NRXN1: variants seen among roughly 807,000 people sequenced by gnomAD.
NRXN1 encodes the protein neurexin 1, also known as neurexin-1.
A neutral mutation model predicts 150.9 loss-of-function variants in NRXN1; 39 were observed. The observed-to-expected ratio is 0.26, with a 90% CI of 0.20 to 0.34. The LOEUF (loss-of-function observed/expected upper bound fraction) is 0.34, where lower values mean the gene tolerates loss of function less well. Ranked by LOEUF, NRXN1 falls within the 10% of genes least tolerant of loss-of-function variation. NRXN1 has a pLI of 1.00. For synonymous variants in NRXN1, 924 were observed against 757.0 expected (o/e 1.22, Z -3.62); for missense variants, 1,815 against 1,949.9 (o/e 0.93, Z 1.30).
At position 50,346,727 on chromosome 2, in the gene NRXN1, T is replaced by C. The variant is rs201245013; in HGVS notation, c.3365-109757A>G. 1.2e-6 allele frequency: 2 copies of C among 1,613,826 alleles called. No homozygotes were observed. The highest frequency in any genetic ancestry group is 1.7e-5 in the Admixed American group (1 of 60,022). On this transcript the variant is annotated intron_variant, in intron 17 of 22. Transcript: ENST00000401669. The surrounding 1 kb of genome is among the most constrained non-coding windows in gnomAD (Gnocchi z 5.0). ...CGCAAGGATGCCGGTGACCTGTAGA[T>C]TGCAATAGGCACTGAATGATGCTTG...
intron 7 of NRXN1, 110 bp from the exon 8 acceptor site, chr2:50,620,293 T>C: frequency 1.6e-6 from 2 of 1,280,622 alleles, no homozygotes; most frequent in Non-Finnish European, 2.1e-6. Context: ...TTGTTTTGTT[T>C]TGCTTTTTTC....
intron 5 of NRXN1, among the ~76,000 whole-genome samples, chr2:50,831,133 T>C (rs538060799): frequency 1.2e-4 from 19 of 152,288 alleles, no homozygotes; most frequent in Non-Finnish European, 2.4e-4. Context: ...AAATGTACAA[T>C]TAAGTTATTA....
intron 5 of NRXN1, among the ~76,000 whole-genome samples, chr2:50,836,681 T>C (rs1040637377): frequency 6.6e-6 from 1 of 152,070 alleles, no homozygotes; most frequent in Non-Finnish European, 1.5e-5. Flanking sequence ...TAGTATTTCA[T>C]TATGCATATA....
chr2:50,768,937 T>TAC (rs1702678234), intron 5 of NRXN1, among the ~76,000 whole-genome samples: 1 of 149,384 alleles, frequency 6.7e-6, no homozygotes, highest in Admixed American at 6.7e-5. Flanking sequence ...CACACACACA[T>TAC]ACACACACAC....
At chr2:50,457,551 G>A (rs1464024446) in intron 17 of NRXN1, among the ~76,000 whole-genome samples, 1 of 152,044 alleles carries the variant, frequency 6.6e-6, no homozygotes, top group Non-Finnish European at 1.5e-5. Context: ...AATATTTGCA[G>A]ACTATTAATC....
At chr2:50,561,076 A>T (rs1194546916) in intron 8 of NRXN1, among the ~76,000 whole-genome samples, 1 of 152,182 alleles carries the variant, frequency 6.6e-6, no homozygotes, top group East Asian at 1.9e-4. Context: ...AATATATCCC[A>T]TTAATCAGGG....
At chr2:50,372,101 A>G (rs1017652988) in intron 17 of NRXN1, among the ~76,000 whole-genome samples, 1 of 152,046 alleles carries the variant, frequency 6.6e-6, no homozygotes, top group South Asian at 2.1e-4. Flanking sequence ...TTCCTGTTAC[A>G]TTTCTTCTTC....
intron 21 of NRXN1, among the ~76,000 whole-genome samples, chr2:50,009,640 G>A (rs764385538): frequency 6.6e-6 from 1 of 151,902 alleles, no homozygotes; most frequent in East Asian, 1.9e-4. Flanking sequence ...CATTACTTTT[G>A]GTAATTAAAA....
chr2:50,092,524 G>C (rs1699726992), intron 18 of NRXN1, among the ~76,000 whole-genome samples: 1 of 152,142 alleles, frequency 6.6e-6, no homozygotes, highest in Non-Finnish European at 1.5e-5. Flanking sequence ...GGAGGAAGAA[G>C]GGTTTAAAGT....
Position 50,212,873 on chromosome 2 carries a change from G to A in NRXN1, c.3546+23916C>T, listed in dbSNP as rs567121788. Among the ~76,000 whole-genome samples, 47 of 152,044 alleles carry A rather than the reference G, an allele frequency of 3.1e-4. No individual in the cohort carries two copies. The South Asian group carries it at 9.3e-3, about 30-fold the overall frequency. On this transcript the variant is annotated intron_variant, in intron 18 of 22. Transcript: ENST00000401669. ...TGCAAGGGTCAGGTAGGTACCAGTT[G>A]CAAGTCATTATGATTGCAAAGTGGT...
At chr2:50,812,216 T>C (rs1173613433) in intron 5 of NRXN1, among the ~76,000 whole-genome samples, 2 of 152,216 alleles carry the variant, frequency 1.3e-5, no homozygotes, top group Non-Finnish European at 2.9e-5. Context: ...TTCTGTGATT[T>C]GTGAATAGGA....
At chr2:50,329,728 C>T (rs1207921050) in intron 17 of NRXN1, among the ~76,000 whole-genome samples, 4 of 139,442 alleles carry the variant, frequency 2.9e-5, no homozygotes, top group East Asian at 4.3e-4. Flanking sequence ...GGCTACAGTG[C>T]GGTGGAGCAA....
At chr2:50,545,816 T>C (rs1022161863) in intron 9 of NRXN1, among the ~76,000 whole-genome samples, 1 of 152,204 alleles carries the variant, frequency 6.6e-6, no homozygotes, top group Non-Finnish European at 1.5e-5. Flanking sequence ...AATCTGTGGA[T>C]ACTTGAGTTC....
intron 5 of NRXN1, among the ~76,000 whole-genome samples, chr2:50,785,963 T>A (rs993687944): frequency 1.3e-5 from 2 of 152,020 alleles, no homozygotes; most frequent in Non-Finnish European, 2.9e-5. Context: ...CAATGTGGTA[T>A]AACAGCCACG....
intron 17 of NRXN1, among the ~76,000 whole-genome samples, chr2:50,255,785 G>C (rs990127686): frequency 6.6e-6 from 1 of 152,186 alleles, no homozygotes; most frequent in African/African-American, 2.4e-5. Flanking sequence ...TTTAAATTAA[G>C]TTTTATGACT....
At chr2:50,459,361 T>C (rs184107477) in intron 17 of NRXN1, among the ~76,000 whole-genome samples, 266 of 152,260 alleles carry the variant, frequency 1.7e-3, no homozygotes, top group African/African-American at 5.9e-3. Flanking sequence ...GTTTGTTACA[T>C]AGGTAAACTT....
intron 12 of NRXN1, among the ~76,000 whole-genome samples, chr2:50,523,851 G>T (rs2092866948): frequency 6.6e-6 from 1 of 152,132 alleles, no homozygotes; most frequent in Non-Finnish European, 1.5e-5. Flanking sequence ...AGCCCTTGAT[G>T]CTTTGTTCAC....
chr2:51,010,929 T>C (rs1667754653), intron 2 of NRXN1, among the ~76,000 whole-genome samples: 1 of 151,866 alleles, frequency 6.6e-6, no homozygotes, highest in Admixed American at 6.6e-5. Flanking sequence ...TACAGGTGTA[T>C]GCCACAACAT....
intron 12 of NRXN1, among the ~76,000 whole-genome samples, chr2:50,518,261 A>C (rs1454239174): frequency 6.6e-6 from 1 of 152,104 alleles, no homozygotes; most frequent in African/African-American, 2.4e-5. Context: ...TCAACTGGCA[A>C]GTTTAAGAAG....
Sources: allele counts gnomAD v4.1 joint callset (sites outside exome capture counted in the v4.1 genomes callset), GRCh38; gene constraint gnomAD v4.1.1; non-coding constraint Gnocchi (gnomAD v3.1); transcripts MANE v1.5; gene names NCBI Gene and HGNC (gene_info 2026-07-23, HGNC 2026-07-21).